WDFY4: variants seen among roughly 807,000 people sequenced by gnomAD.
WDFY4 encodes WD repeat- and FYVE domain-containing protein 4.
A neutral mutation model predicts 351.9 loss-of-function variants in WDFY4; 169 were observed. That is an observed-to-expected ratio of 0.48 (90% CI 0.42 to 0.55). WDFY4 has a LOEUF of 0.55. WDFY4 is among the 20% of genes least tolerant of loss of function. The pLI is 0.00. For synonymous variants in WDFY4, 1,622 were observed against 1,574.6 expected (o/e 1.03, Z -0.71); for missense variants, 3,803 against 3,935.6 (o/e 0.97, Z 0.90).
intron 39 of WDFY4, among the ~76,000 whole-genome samples, chr10:48,864,456 C>T (rs2069466935): frequency 6.6e-6 from 1 of 152,156 alleles, no homozygotes; most frequent in Admixed American, 6.5e-5. Flanking sequence ...ATTCTTATGC[C>T]AGTGCTGCAC....
chr10:48,695,693 G>A (rs1016369374), intron 1 of WDFY4, among the ~76,000 whole-genome samples: 10 of 152,120 alleles, frequency 6.6e-5, no homozygotes, highest in African/African-American at 2.4e-4. Flanking sequence ...CCAGTTTGGA[G>A]AGGCTCACCA....
At chr10:48,845,332 C>G (rs187580593) in intron 39 of WDFY4, among the ~76,000 whole-genome samples, 4 of 152,322 alleles carry the variant, frequency 2.6e-5, no homozygotes, top group Admixed American at 2.0e-4. Flanking sequence ...CAACCTCCCC[C>G]ACACACTCAT....
intron 1 of WDFY4, among the ~76,000 whole-genome samples, chr10:48,700,245 T>C (rs1306076707): frequency 6.6e-6 from 1 of 152,206 alleles, no homozygotes; most frequent in East Asian, 1.9e-4. Flanking sequence ...GAGGCTGTCA[T>C]TCCACTGACA....
At chr10:48,950,513 A>G (rs1841271788) in intron 51 of WDFY4, among the ~76,000 whole-genome samples, 1 of 152,114 alleles carries the variant, frequency 6.6e-6, no homozygotes, top group Admixed American at 6.6e-5. Flanking sequence ...GACCCTCACA[A>G]GCTTGTGAGA....
intron 24 of WDFY4, among the ~76,000 whole-genome samples, chr10:48,800,011 G>A (rs1214547883): frequency 2.0e-5 from 3 of 151,942 alleles, no homozygotes; most frequent in African/African-American, 4.8e-5. Context: ...TCAGCCTCTC[G>A]AGTAGCTGGG....
At chr10:48,768,940 T>C (rs1675325885) in intron 13 of WDFY4, among the ~76,000 whole-genome samples, 1 of 152,136 alleles carries the variant, frequency 6.6e-6, no homozygotes, top group African/African-American at 2.4e-5. Flanking sequence ...AAGGGCATGG[T>C]GTTTAGCAGA....
intron 41 of WDFY4, 50 bp downstream of exon 41, chr10:48,873,747 A>G: frequency 6.5e-7 from 1 of 1,534,070 alleles, no homozygotes; most frequent in Non-Finnish European, 8.8e-7. Context: ...AGGGCCTGAT[A>G]GGAAAGCAGC....
intron 45 of WDFY4, 111 bp downstream of exon 45, chr10:48,897,685 T>G: frequency 1.4e-6 from 2 of 1,452,176 alleles, no homozygotes; most frequent in Non-Finnish European, 1.8e-6. Context: ...TTTGTGCCTA[T>G]GCACAGCCCA....
chr10:48,860,280 T>A (rs1422414101), intron 39 of WDFY4, among the ~76,000 whole-genome samples: 3 of 152,232 alleles, frequency 2.0e-5, no homozygotes, highest in African/African-American at 7.2e-5. Flanking sequence ...GAATTTGTCT[T>A]ATCAGCTCAG....
chr10:48,777,121 C>T lies in WDFY4; in HGVS notation c.3098+137C>T, dbSNP rs1004483211. On this transcript the variant is annotated intron_variant, in intron 16 of 61. Coordinates refer to ENST00000325239, the MANE Select transcript of WDFY4 (RefSeq NM_001394531.1). ...CAGAGGAAAATGTCTGGGTCATGGACACCCGCCTACTCAGCGGCCTCCCAG... is the reference window on the plus strand; with the variant it reads ...CAGAGGAAAATGTCTGGGTCATGGATACCCGCCTACTCAGCGGCCTCCCAG... 35 of 1,134,618 alleles carry T rather than the reference C, an allele frequency of 3.1e-5. 1 individual carries two copies. The East Asian group carries it at 9.0e-4, about 29-fold the overall frequency. The allele number at this position is 1,134,618 out of a possible 1,614,324, so 70.3% of individuals were successfully genotyped here. A position where few individuals can be genotyped will look rare whatever the true frequency, so the allele number is the denominator to read the frequency against.
intron 28 of WDFY4, among the ~76,000 whole-genome samples, chr10:48,809,144 A>G (rs1403351291): frequency 1.3e-5 from 2 of 151,858 alleles, no homozygotes; most frequent in African/African-American, 4.8e-5. Context: ...CATCACCATC[A>G]CCACCACCAT....
intron 47 of WDFY4, among the ~76,000 whole-genome samples, chr10:48,928,543 C>T (rs1434687475): frequency 6.6e-6 from 1 of 152,154 alleles, no homozygotes; most frequent in Non-Finnish European, 1.5e-5. Flanking sequence ...CCCCTGCCTC[C>T]CTGAGTGCAG....
intron 57 of WDFY4, among the ~76,000 whole-genome samples, chr10:48,974,575 C>G (rs1224964366): frequency 7.4e-6 from 1 of 135,632 alleles, no homozygotes; most frequent in African/African-American, 2.7e-5. Context: ...AGATGTAGGG[C>G]AGCACAAAAC....
At chr10:48,930,220 T>C (rs1401290344) in intron 47 of WDFY4, among the ~76,000 whole-genome samples, 1 of 152,226 alleles carries the variant, frequency 6.6e-6, no homozygotes, top group Non-Finnish European at 1.5e-5. Context: ...GAGAGTCAGC[T>C]GCTACATAAT....
chr10:48,972,415 T>A (rs1412963909), intron 57 of WDFY4, among the ~76,000 whole-genome samples: 2 of 152,270 alleles, frequency 1.3e-5, no homozygotes, highest in African/African-American at 4.8e-5. Flanking sequence ...ATATACATAT[T>A]TATATCTTTC....
chr10:48,811,135 C>A (rs1307413797), intron 29 of WDFY4, among the ~76,000 whole-genome samples: 1 of 152,108 alleles, frequency 6.6e-6, no homozygotes, highest in Non-Finnish European at 1.5e-5. Context: ...TTATCTCTGC[C>A]CTTATTATTT....
chr10:48,764,477 T>A (rs2065606808), intron 13 of WDFY4, among the ~76,000 whole-genome samples: 1 of 152,242 alleles, frequency 6.6e-6, no homozygotes, highest in South Asian at 2.1e-4. Context: ...TAAAGATACT[T>A]TCCCTTTCTA....
chr10:48,925,173 C>T (rs944119956), intron 47 of WDFY4, among the ~76,000 whole-genome samples: 2 of 152,198 alleles, frequency 1.3e-5, no homozygotes, highest in Non-Finnish European at 2.9e-5. Flanking sequence ...TTCTCTCTCC[C>T]GACCCTCATA....
chr10:48,867,420 T>C, intron 40 of WDFY4, 78 bp downstream of exon 40: 1 of 958,062 alleles, frequency 1.0e-6, no homozygotes, highest in Non-Finnish European at 1.4e-6. Context: ...TGGAAGGGCC[T>C]TTGGTTTACG....
Sources: allele counts gnomAD v4.1 joint callset (sites outside exome capture counted in the v4.1 genomes callset), GRCh38; gene constraint gnomAD v4.1.1; transcripts MANE v1.5; gene names NCBI Gene and HGNC (gene_info 2026-07-23, HGNC 2026-07-21).